Variants in HDAC9 observed in about 807,000 individuals in gnomAD.
The protein encoded by HDAC9 is MEF-2 interacting transcription repressor (MITR) protein.
A neutral mutation model predicts 139.4 loss-of-function variants in HDAC9; 41 were observed. The observed-to-expected ratio is 0.29, with a 90% CI of 0.23 to 0.38. The LOEUF (loss-of-function observed/expected upper bound fraction) is 0.38. HDAC9 is among the 10% of genes least tolerant of loss of function. The pLI is 1.00. For synonymous variants in HDAC9, 517 were observed against 476.2 expected, an observed-to-expected ratio of 1.09 and a Z score of -1.12; for missense variants, 1,147 against 1,297.0, an observed-to-expected ratio of 0.88 and a Z score of 1.78.
chr7:18,834,592 A>G (rs977268455), intron 19 of HDAC9, among the ~76,000 whole-genome samples: 10 of 150,614 alleles, frequency 6.6e-5, no homozygotes, highest in African/African-American at 2.0e-4. Context: ...AGCAGGAAGA[A>G]GGCTGTAAAG....
intron 1 of HDAC9, among the ~76,000 whole-genome samples, chr7:18,307,776 C>T (rs184119207): frequency 3.0e-4 from 45 of 152,234 alleles, no homozygotes; most frequent in African/African-American, 1.1e-3. Flanking sequence ...GCACTCCAGC[C>T]TGGGTGACAG....
chr7:18,935,749 T>C, intron 22 of HDAC9, 60 bp from the exon 23 acceptor site: 1 of 1,482,248 alleles, frequency 6.7e-7, no homozygotes, highest in Non-Finnish European at 9.4e-7. Flanking sequence ...CAATGTTAGA[T>C]TCTAGTGATC....
At chr7:18,574,751 A>G (rs1397065918) in intron 2 of HDAC9, among the ~76,000 whole-genome samples, 1 of 152,220 alleles carries the variant, frequency 6.6e-6, no homozygotes, top group African/African-American at 2.4e-5. Flanking sequence ...GCATGCACAT[A>G]CCCAGCCGGG....
At chr7:18,758,341 A>G (rs1215633515) in intron 14 of HDAC9, among the ~76,000 whole-genome samples, 1 of 151,982 alleles carries the variant, frequency 6.6e-6, no homozygotes, top group Non-Finnish European at 1.5e-5. Flanking sequence ...AGAAATCAGT[A>G]CTCCCTAAAT....
At chr7:18,535,197 A>G (rs774447130) in intron 2 of HDAC9, among the ~76,000 whole-genome samples, 2 of 152,116 alleles carry the variant, frequency 1.3e-5, no homozygotes, top group African/African-American at 2.4e-5. Flanking sequence ...CTGTAGGTTT[A>G]TAGCATTTTA....
intron 1 of HDAC9, among the ~76,000 whole-genome samples, chr7:18,459,360 A>G (rs558383204): frequency 4.6e-5 from 7 of 152,326 alleles, no homozygotes; most frequent in Non-Finnish European, 8.8e-5. Flanking sequence ...TTTGATAGGA[A>G]AGCATAAAAT....
At chr7:18,664,240 A>G (rs1477706861) in intron 11 of HDAC9, among the ~76,000 whole-genome samples, 1 of 152,162 alleles carries the variant, frequency 6.6e-6, no homozygotes, top group Non-Finnish European at 1.5e-5. Flanking sequence ...AACCATGAGT[A>G]AATGAATGTC....
chr7:18,919,292 C>T (rs1037387861), intron 22 of HDAC9, among the ~76,000 whole-genome samples: 5 of 152,116 alleles, frequency 3.3e-5, no homozygotes, highest in African/African-American at 9.6e-5. Flanking sequence ...TATACTTCAT[C>T]ATAAAGCTAA....
chr7:18,230,870 C>T (rs187598892), intron 2 of HDAC9, among the ~76,000 whole-genome samples: 1 of 152,282 alleles, frequency 6.6e-6, no homozygotes, highest in East Asian at 1.9e-4. Context: ...TTTTTAGAGA[C>T]TCCATAACTA....
intron 25 of HDAC9, among the ~76,000 whole-genome samples, chr7:18,980,748 TCTTCTTCTTC>T (rs1784878121): frequency 7.3e-6 from 1 of 137,504 alleles, no homozygotes; most frequent in East Asian, 1.9e-4. Context: ...TCTTCTTCCT[TCTTCTTCTTC>T]CTTCTTCTTC....
chr7:18,794,595 G>T (rs1365268342), intron 17 of HDAC9, among the ~76,000 whole-genome samples: 1 of 152,098 alleles, frequency 6.6e-6, no homozygotes, highest in Admixed American at 6.6e-5. Context: ...GGATATATGG[G>T]GTCATTAATG....
intron 11 of HDAC9, among the ~76,000 whole-genome samples, chr7:18,662,246 G>T (rs376530540): frequency 1.3e-5 from 2 of 151,878 alleles, no homozygotes; most frequent in African/African-American, 4.8e-5. Flanking sequence ...ATATTTAAAT[G>T]GCCACTGGAT....
At chr7:18,355,525 T>C (rs1783188325) in intron 1 of HDAC9, among the ~76,000 whole-genome samples, 1 of 152,180 alleles carries the variant, frequency 6.6e-6, no homozygotes, top group South Asian at 2.1e-4. Flanking sequence ...CCATGAATCC[T>C]TTATAAAACC....
At chr7:18,433,225 G>C (rs1323935234) in intron 1 of HDAC9, among the ~76,000 whole-genome samples, 1 of 152,082 alleles carries the variant, frequency 6.6e-6, no homozygotes, top group Non-Finnish European at 1.5e-5. Context: ...CAACAAACTA[G>C]GCATTGAAGG....
At chr7:18,993,185 GC>G (rs1342531001) in intron 25 of HDAC9, among the ~76,000 whole-genome samples, 1 of 112,764 alleles carries the variant, frequency 8.9e-6, no homozygotes, top group African/African-American at 3.5e-5. Flanking sequence ...GAGAGCTAGG[GC>G]TATGAGAAGA....
chr7:18,649,026 G>A (rs1453686903), intron 11 of HDAC9, among the ~76,000 whole-genome samples: 1 of 152,186 alleles, frequency 6.6e-6, no homozygotes, highest in African/African-American at 2.4e-5. Context: ...AATGTGGTGT[G>A]TTGACATGTC....
intron 1 of HDAC9, among the ~76,000 whole-genome samples, chr7:18,321,896 C>T (rs905107885): frequency 1.3e-5 from 2 of 152,200 alleles, no homozygotes; most frequent in South Asian, 4.2e-4. Context: ...GGGCAGAAAT[C>T]GAAATATTTC....
intron 21 of HDAC9, among the ~76,000 whole-genome samples, chr7:18,869,666 C>T (rs943068027): frequency 6.6e-6 from 1 of 152,148 alleles, no homozygotes; most frequent in Non-Finnish European, 1.5e-5. Flanking sequence ...GGAGGACACC[C>T]AGCAGACATC....
At chr7:18,570,135 TAGATTCAC>T (rs1563319098) in intron 2 of HDAC9, among the ~76,000 whole-genome samples, 1 of 151,992 alleles carries the variant, frequency 6.6e-6, no homozygotes, top group East Asian at 1.9e-4. Flanking sequence ...TGTGAATCAG[TAGATTCAC>T]AGATTGGAGA....
Sources: gnomAD v4.1 joint callset for allele counts (sites outside exome capture counted in the v4.1 genomes callset) on GRCh38, gnomAD v4.1.1 for gene constraint, MANE v1.5 for transcripts, NCBI Gene and HGNC (gene_info 2026-07-23, HGNC 2026-07-21) for gene names.